The following MARCHF1 variants were observed in gnomAD, a reference collection of about 807,000 sequenced individuals.
The protein encoded by MARCHF1 is membrane associated ring-CH-type finger 1, also known as E3 ubiquitin-protein ligase MARCHF1.
A neutral mutation model predicts 54.2 loss-of-function variants in MARCHF1; 40 were observed. The observed-to-expected ratio is 0.74, with a 90% CI of 0.57 to 0.96. The LOEUF (loss-of-function observed/expected upper bound fraction) is 0.96. Among genes scored for constraint, MARCHF1 ranks in the 40% least tolerant of loss-of-function variants. MARCHF1 has a pLI of 0.00. For synonymous variants in MARCHF1, 236 were observed against 236.3 expected, an observed-to-expected ratio of 1.00 and a Z score of 0.01; for missense variants, 586 against 656.5, an observed-to-expected ratio of 0.89 and a Z score of 1.17.
At chr4:163,569,260 G>A (rs1353906300) in intron 8 of MARCHF1, among the ~76,000 whole-genome samples, 1 of 152,090 alleles carries the variant, frequency 6.6e-6, no homozygotes, top group Non-Finnish European at 1.5e-5. Context: ...GAATGCTACA[G>A]TTCAATCAGC....
rs934477284 is a variant in MARCHF1 at position 163,586,809 on chromosome 4, G to T, written c.1011-880C>A. Among the ~76,000 whole-genome samples, 43 of 148,360 alleles carry T rather than the reference G, an allele frequency of 2.9e-4. 1 individual carries two copies. Among genetic ancestry groups the T allele is most frequent in the Admixed American group, 2.8e-3 (43 of 15,140 alleles). ...CATGGCATGTAATTTATTAAATATG[G>T]TATCTTACCAATGTGGAAAAATTCT... is the stretch of plus-strand genomic sequence containing the variant. On this transcript the variant is annotated intron_variant, in intron 7 of 9. Coordinates refer to ENST00000514618, the MANE Select transcript of MARCHF1 (RefSeq NM_001394959.1).
intron 2 of MARCHF1, among the ~76,000 whole-genome samples, chr4:164,080,199 C>G (rs914568395): frequency 2.0e-5 from 3 of 152,162 alleles, no homozygotes; most frequent in Non-Finnish European, 4.4e-5. Flanking sequence ...AGAACAGATT[C>G]CCAGCCTTTC....
At chr4:164,056,750 A>T (rs1754498328) in intron 2 of MARCHF1, among the ~76,000 whole-genome samples, 2 of 152,174 alleles carry the variant, frequency 1.3e-5, no homozygotes, top group Admixed American at 1.3e-4. Flanking sequence ...TGCCATCTTG[A>T]AATTCTTAAT....
At chr4:164,024,023 GA>G (rs1285797378) in intron 2 of MARCHF1, among the ~76,000 whole-genome samples, 7 of 151,636 alleles carry the variant, frequency 4.6e-5, no homozygotes, top group African/African-American at 1.2e-4. Context: ...AATAAAGTCA[GA>G]AAAAAAATAC....
At chr4:164,144,311 C>G (rs1400655740) in intron 1 of MARCHF1, among the ~76,000 whole-genome samples, 1 of 151,774 alleles carries the variant, frequency 6.6e-6, no homozygotes, top group Non-Finnish European at 1.5e-5. Context: ...CAGCTCTGCA[C>G]CAAGGGGACC....
At chr4:163,808,106 A>T (rs1056390028) in intron 4 of MARCHF1, among the ~76,000 whole-genome samples, 1 of 152,196 alleles carries the variant, frequency 6.6e-6, no homozygotes, top group African/African-American at 2.4e-5. Flanking sequence ...GAAAACAATT[A>T]CTTACACGCA....
At chr4:163,809,290 C>T (rs1387716739) in intron 4 of MARCHF1, among the ~76,000 whole-genome samples, 2 of 152,036 alleles carry the variant, frequency 1.3e-5, no homozygotes, top group Non-Finnish European at 2.9e-5. Flanking sequence ...GAAGAAAAAC[C>T]TTTTACCAGA....
chr4:163,898,025 C>T (rs1270031446), intron 3 of MARCHF1, among the ~76,000 whole-genome samples: 1 of 127,610 alleles, frequency 7.8e-6, no homozygotes, highest in Admixed American at 1.0e-4. Flanking sequence ...CGCGCCACTG[C>T]ACTCCAGCCT....
At chr4:164,005,260 A>C (rs1347086366) in intron 2 of MARCHF1, among the ~76,000 whole-genome samples, 1 of 152,188 alleles carries the variant, frequency 6.6e-6, no homozygotes, top group Non-Finnish European at 1.5e-5. Flanking sequence ...ACACGAAAAC[A>C]AAGTGTGAGT....
At chr4:163,964,875 G>A (rs2110821474) in intron 3 of MARCHF1, among the ~76,000 whole-genome samples, 1 of 152,036 alleles carries the variant, frequency 6.6e-6, no homozygotes, top group Middle Eastern at 3.4e-3. Context: ...GATTGAGATT[G>A]TGCTTGATAT....
chr4:164,284,925 TAAA>T (rs1734107538), intron 1 of MARCHF1, among the ~76,000 whole-genome samples: 2 of 151,130 alleles, frequency 1.3e-5, no homozygotes, highest in African/African-American at 4.9e-5. Context: ...GAAACTCAGC[TAAA>T]GTACACATGC....
At chr4:164,150,049 G>A (rs975725167) in intron 1 of MARCHF1, among the ~76,000 whole-genome samples, 3 of 152,240 alleles carry the variant, frequency 2.0e-5, no homozygotes, top group Admixed American at 6.5e-5. Context: ...ATAAAACGAT[G>A]TGATGGAACA....
intron 4 of MARCHF1, among the ~76,000 whole-genome samples, chr4:163,799,674 A>AT (rs1462373926): frequency 6.6e-6 from 1 of 152,056 alleles, no homozygotes; most frequent in African/African-American, 2.4e-5. Context: ...AGTAACCATT[A>AT]TTTTTTTCCT....
At chr4:164,258,732 TGTATTCAAAG>T (rs1198663876) in intron 1 of MARCHF1, among the ~76,000 whole-genome samples, 2 of 152,190 alleles carry the variant, frequency 1.3e-5, no homozygotes. Flanking sequence ...ATTATACATA[TGTATTCAAAG>T]AATATTTGAA....
At chr4:163,641,034 A>G (rs1266496157) in intron 5 of MARCHF1, among the ~76,000 whole-genome samples, 3 of 151,130 alleles carry the variant, frequency 2.0e-5, no homozygotes, top group Non-Finnish European at 1.5e-5. Context: ...TATGATTTTA[A>G]CATAAAACTT....
intron 4 of MARCHF1, among the ~76,000 whole-genome samples, chr4:163,847,120 T>C (rs993724448): frequency 1.3e-5 from 2 of 152,156 alleles, no homozygotes; most frequent in Non-Finnish European, 2.9e-5. Context: ...TAACAAGAAC[T>C]AGAACAAATA....
At chr4:163,989,070 A>G (rs1339966778) in intron 2 of MARCHF1, 1 of 152,086 alleles carries the variant, frequency 6.6e-6, no homozygotes, top group African/African-American at 2.4e-5. Context: ...GTTTATCCTG[A>G]TTCCCCAGGA....
At position 164,347,282 on chromosome 4, in the gene MARCHF1, T is replaced by C. The variant is rs112282819; in HGVS notation, c.-323+36588A>G. Among the ~76,000 whole-genome samples, 1,256 of 152,290 alleles carry C rather than the reference T, an allele frequency of 8.2e-3. 21 individuals are homozygous for C. The highest frequency in any genetic ancestry group is 0.029 in the African/African-American group (1,187 of 41,558). On this transcript the variant is annotated intron_variant, in intron 1 of 9. Coordinates refer to ENST00000514618, the MANE Select transcript of MARCHF1 (RefSeq NM_001394959.1). ...ATCCATCATTTTTCATTGTCAGAGG[T>C]GCCAGATTTTATTTCTATGTGTCCT... is the stretch of plus-strand genomic sequence containing the variant.
At chr4:164,211,371 C>T (rs1731770136) in intron 1 of MARCHF1, among the ~76,000 whole-genome samples, 1 of 142,528 alleles carries the variant, frequency 7.0e-6, no homozygotes, top group Non-Finnish European at 1.5e-5. Flanking sequence ...TTGCAACCTG[C>T]ATATTTGTAT....
Sources: gnomAD v4.1 joint callset for allele counts (sites outside exome capture counted in the v4.1 genomes callset) on GRCh38, gnomAD v4.1.1 for gene constraint, MANE v1.5 for transcripts, NCBI Gene and HGNC (gene_info 2026-07-23, HGNC 2026-07-21) for gene names.